Variants in MAPK10 observed in about 807,000 individuals in gnomAD.
The protein encoded by MAPK10 is JNK3 alpha protein kinase.
MAPK10 carries 25 observed loss-of-function variants against 59.3 expected under a neutral mutation model. That is an observed-to-expected ratio of 0.42 (90% CI 0.31 to 0.59). The LOEUF (loss-of-function observed/expected upper bound fraction) is 0.59. Ranked by LOEUF, MAPK10 falls within the 20% of genes least tolerant of loss-of-function variation. The pLI, the probability that MAPK10 is intolerant of heterozygous loss-of-function variation, is 0.15. For synonymous variants in MAPK10, 190 were observed against 200.5 expected, an observed-to-expected ratio of 0.95 and a Z score of 0.44; for missense variants, 351 against 568.9, an observed-to-expected ratio of 0.62 and a Z score of 3.90.
chr4:86,120,544 A>G (rs1322255192), intron 4 of MAPK10: 1 of 152,208 alleles, frequency 6.6e-6, no homozygotes, highest in Non-Finnish European at 1.5e-5. Context: ...CAGGATGGTG[A>G]CATTGGAGAA....
intron 1 of MAPK10, among the ~76,000 whole-genome samples, chr4:86,507,671 T>TATATATATAA (rs1755899828): frequency 2.9e-5 from 3 of 102,606 alleles, no homozygotes; most frequent in African/African-American, 7.8e-5. Context: ...TATATATATA[T>TATATATATAA]AAAATCATGT....
At chr4:86,050,042 C>T (rs2043226002) in intron 11 of MAPK10, among the ~76,000 whole-genome samples, 1 of 152,016 alleles carries the variant, frequency 6.6e-6, no homozygotes, top group Non-Finnish European at 1.5e-5. Context: ...ACTCATAGTT[C>T]CCCAGGTGTG....
chr4:86,273,473 G>A (rs962774591), intron 2 of MAPK10, among the ~76,000 whole-genome samples: 1 of 151,864 alleles, frequency 6.6e-6, no homozygotes, highest in Non-Finnish European at 1.5e-5. Flanking sequence ...AGGTATTTTA[G>A]GAGAAACCAG....
At chr4:86,398,491 G>A (rs1743264061) in intron 1 of MAPK10, among the ~76,000 whole-genome samples, 1 of 152,168 alleles carries the variant, frequency 6.6e-6, no homozygotes, top group African/African-American at 2.4e-5. Flanking sequence ...CAAATATTAT[G>A]TCTGCAGAGT....
chr4:86,071,439 T>C (rs2047936709), intron 9 of MAPK10, among the ~76,000 whole-genome samples: 1 of 138,468 alleles, frequency 7.2e-6, no homozygotes, highest in Admixed American at 7.0e-5. Context: ...GCCGTTGCTT[T>C]TGGTGTTTTG....
In MAPK10 at chr4:86,516,604, T is replaced by G. The variant is rs145415566; in HGVS notation, c.-263+77306A>C. 3.3e-3 allele frequency among the ~76,000 whole-genome samples: 495 copies of G among 152,112 alleles called. 1 individual carries two copies. The highest frequency in any genetic ancestry group is 0.012 in the African/African-American group (479 of 41,496). On this transcript the variant is annotated intron_variant, in intron 1 of 4. Coordinates refer to the MAPK10 transcript ENST00000502302. ...CTTCGTAAAGATCTTTCACCTCTTT[T>G]GTTAGGTATATTCCTAAGGGTTTTT...
intron 3 of MAPK10, among the ~76,000 whole-genome samples, chr4:86,170,026 C>G (rs565706384): frequency 6.6e-6 from 1 of 151,522 alleles, no homozygotes; most frequent in Non-Finnish European, 1.5e-5. Flanking sequence ...ATTTTGTCAC[C>G]ACCAGGCCTG....
At chr4:86,438,004 G>A (rs1159013547) in intron 1 of MAPK10, among the ~76,000 whole-genome samples, 1 of 152,220 alleles carries the variant, frequency 6.6e-6, no homozygotes, top group East Asian at 1.9e-4. Context: ...AGTATATGCT[G>A]AATGATGCCA....
At chr4:86,070,037 C>T (rs972843461) in intron 9 of MAPK10, among the ~76,000 whole-genome samples, 1 of 152,186 alleles carries the variant, frequency 6.6e-6, no homozygotes, top group Non-Finnish European at 1.5e-5. Flanking sequence ...ACACTCAGCG[C>T]TCTTTCCTAC....
chr4:86,304,480 C>T (rs573264043), intron 2 of MAPK10, among the ~76,000 whole-genome samples: 4 of 150,638 alleles, frequency 2.7e-5, no homozygotes, highest in South Asian at 2.1e-4. Flanking sequence ...GCAAGCTCCA[C>T]CTCCCAGGTT....
intron 1 of MAPK10, among the ~76,000 whole-genome samples, chr4:86,591,773 C>G (rs1050543919): frequency 3.3e-5 from 5 of 152,108 alleles, no homozygotes; most frequent in African/African-American, 1.2e-4. Context: ...TATTTGCAAA[C>G]AAATGACAAC....
At chr4:86,278,507 G>C (rs1294396691) in intron 2 of MAPK10, among the ~76,000 whole-genome samples, 1 of 152,048 alleles carries the variant, frequency 6.6e-6, no homozygotes, top group Non-Finnish European at 1.5e-5. Context: ...GGATCTATAT[G>C]AGTTGAAGGT....
intron 1 of MAPK10, among the ~76,000 whole-genome samples, chr4:86,460,206 C>A (rs995470053): frequency 6.6e-6 from 1 of 151,980 alleles, no homozygotes; most frequent in African/African-American, 2.4e-5. Flanking sequence ...AAAATATAAC[C>A]CCCAAATAAA....
chr4:86,184,583 G>A (rs1217980678), intron 3 of MAPK10, among the ~76,000 whole-genome samples: 1 of 152,126 alleles, frequency 6.6e-6, no homozygotes, highest in Non-Finnish European at 1.5e-5. Context: ...GGCCTGGTGG[G>A]AGGTGTTTGG....
chr4:86,295,631 C>T (rs985679348), intron 2 of MAPK10, among the ~76,000 whole-genome samples: 5 of 151,198 alleles, frequency 3.3e-5, no homozygotes, highest in Non-Finnish European at 7.4e-5. Flanking sequence ...GTACTGTCTA[C>T]TATGATACAA....
upstream of MAPK10, among the ~76,000 whole-genome samples, chr4:86,457,721 T>A (rs1751359971): frequency 6.6e-6 from 1 of 151,732 alleles, no homozygotes. Flanking sequence ...ATTGTGAAAA[T>A]GACCATACTG....
intron 1 of MAPK10, among the ~76,000 whole-genome samples, chr4:86,379,097 C>T (rs1296231102): frequency 6.6e-6 from 1 of 152,134 alleles, no homozygotes; most frequent in Non-Finnish European, 1.5e-5. Flanking sequence ...GTGGTGAGAG[C>T]TGAGGCTTCA....
chr4:86,018,524 G>A (rs767555638), intron 13 of MAPK10, among the ~76,000 whole-genome samples: 6 of 152,178 alleles, frequency 3.9e-5, no homozygotes, highest in Admixed American at 6.5e-5. Flanking sequence ...GAAACCCTGA[G>A]AAGAAACCTG....
chr4:86,084,923 T>C (rs991516371), intron 9 of MAPK10, among the ~76,000 whole-genome samples: 7 of 152,108 alleles, frequency 4.6e-5, no homozygotes, highest in Non-Finnish European at 5.9e-5. Context: ...GAACAGAAGA[T>C]AGAACCCAGA....
Sources: allele counts gnomAD v4.1 joint callset (sites outside exome capture counted in the v4.1 genomes callset), GRCh38; gene constraint gnomAD v4.1.1; transcripts MANE v1.5; gene names NCBI Gene and HGNC (gene_info 2026-07-23, HGNC 2026-07-21).